The following RBM20 variants were observed in gnomAD, a reference collection of about 807,000 sequenced individuals.
RBM20 encodes RNA binding motif protein 20.
Under a neutral mutation model 110.1 loss-of-function variants are expected in RBM20, and 51 were observed. The ratio of observed to expected loss-of-function variants is 0.46; its 90% CI spans 0.37 to 0.59. The LOEUF is 0.59. Ranked by LOEUF, RBM20 falls within the 20% of genes least tolerant of loss-of-function variation. The pLI is 0.00. For synonymous variants in RBM20, 589 were observed against 618.2 expected (o/e 0.95, Z 0.70); for missense variants, 1,512 against 1,574.9 (o/e 0.96, Z 0.68).
chr10:110,783,474 A>G, intron 3 of RBM20, 47 bp downstream of exon 3: 1 of 1,384,228 alleles, frequency 7.2e-7, no homozygotes, highest in African/African-American at 1.4e-5. Flanking sequence ...CTCAACACAT[A>G]TTCACTGAGC....
At chr10:110,714,417 A>G (rs1359124083) in intron 1 of RBM20, among the ~76,000 whole-genome samples, 1 of 152,210 alleles carries the variant, frequency 6.6e-6, no homozygotes, top group Non-Finnish European at 1.5e-5. Context: ...TTGTAGTCAT[A>G]CTGAGCTGAC....
chr10:110,782,353 C>A (rs1844365302), intron 2 of RBM20, among the ~76,000 whole-genome samples: 1 of 152,144 alleles, frequency 6.6e-6, no homozygotes, highest in Non-Finnish European at 1.5e-5. Flanking sequence ...TTATAGAGAG[C>A]CTCAGCTTCC....
chr10:110,654,848 A>G (rs1408534460), intron 1 of RBM20, among the ~76,000 whole-genome samples: 1 of 152,208 alleles, frequency 6.6e-6, no homozygotes, highest in African/African-American at 2.4e-5. Context: ...AGGAAGCAGT[A>G]ATAATAAAGT....
intron 1 of RBM20, among the ~76,000 whole-genome samples, chr10:110,740,970 C>G (rs1843719063): frequency 6.6e-6 from 1 of 152,158 alleles, no homozygotes; most frequent in Non-Finnish European, 1.5e-5. Context: ...AGAGCCTTCT[C>G]TACCTTACCA....
At chr10:110,726,857 T>C (rs894040414) in intron 1 of RBM20, among the ~76,000 whole-genome samples, 8 of 152,224 alleles carry the variant, frequency 5.3e-5, no homozygotes, top group African/African-American at 1.9e-4. Context: ...TGTTTTGTTT[T>C]ATTTTTGAGA....
At chr10:110,688,686 TAG>T (rs754311805) in intron 1 of RBM20, among the ~76,000 whole-genome samples, 13 of 152,192 alleles carry the variant, frequency 8.5e-5, no homozygotes, top group African/African-American at 1.2e-4. Context: ...ATCAAGCACA[TAG>T]AGTTTCCCTA....
chr10:110,782,107 C>G (rs903089251), intron 2 of RBM20, among the ~76,000 whole-genome samples: 1 of 152,236 alleles, frequency 6.6e-6, no homozygotes, highest in Non-Finnish European at 1.5e-5. Context: ...AATTCTTACA[C>G]ACTTTTTCTA....
At chr10:110,827,169 G>C (rs1050946478) in intron 12 of RBM20, among the ~76,000 whole-genome samples, 3 of 152,016 alleles carry the variant, frequency 2.0e-5, no homozygotes. Context: ...TAGAACTCAG[G>C]ATTTCTCAGC....
rs1843591351 is a variant in RBM20 at position 110,728,863 on chromosome 10, GC to G, written c.192-51937del. On this transcript the variant is annotated intron_variant, in intron 1 of 13. Transcript: ENST00000369519. ...ATCTTTCCACCTCCTCTGCTGACCC[GC>G]TGAGCGATGCTGCTCTGTTTATGCA... Among the ~76,000 whole-genome samples, 6 of 152,028 alleles carry G rather than the reference GC, an allele frequency of 3.9e-5. 1 individual carries two copies. Among genetic ancestry groups the G allele is most frequent in the Admixed American group, 3.3e-4 (5 of 15,264 alleles).
At chr10:110,778,058 G>A (rs1257571452) in intron 1 of RBM20, among the ~76,000 whole-genome samples, 7 of 152,156 alleles carry the variant, frequency 4.6e-5, no homozygotes, top group African/African-American at 1.4e-4. Flanking sequence ...TGCCTACATA[G>A]ACATTGGTCG....
chr10:110,781,546 C>A lies in RBM20; in HGVS notation c.937C>A (p.Gln313Lys), dbSNP rs889348474. 1.3e-6 allele frequency: 2 copies of A among 1,551,580 alleles called. No individual in the cohort carries two copies. The highest frequency in any genetic ancestry group is 2.7e-5 in the African/African-American group (2 of 73,048). Residue 313 changes from glutamine to lysine, a missense_variant, in exon 2 of 14, where the codon CAG becomes AAG. Around this residue, in one of 3 missense-constraint regions of RBM20, gnomAD observed 1,149 missense variants for 1,169.4 expected, o/e 0.98. Transcript: ENST00000369519. ...GLKSEVGPLLQGTNSQWESPH... is the reference protein window; with the variant it reads ...GLKSEVGPLLKGTNSQWESPH... ...GAAAAGTGAGGTCGGGCCACTGCTG[C>A]AGGGCACAAACAGCCAATGGGAGAG...
At chr10:110,798,994 T>C (rs1325757901) in intron 6 of RBM20, among the ~76,000 whole-genome samples, 1 of 152,228 alleles carries the variant, frequency 6.6e-6, no homozygotes, top group Non-Finnish European at 1.5e-5. Context: ...CCCATTTGTC[T>C]GTGTTTTATC....
intron 11 of RBM20, chr10:110,822,615 T>G (rs1844929605): frequency 2.6e-6 from 1 of 380,784 alleles, no homozygotes; most frequent in South Asian, 2.0e-5. Context: ...GAGAGTAGCC[T>G]TTAAGATTCT....
chr10:110,823,695 C>G (rs1844946916), intron 12 of RBM20, 81 bp downstream of exon 12: 1 of 1,452,872 alleles, frequency 6.9e-7, no homozygotes, highest in African/African-American at 1.4e-5. Context: ...CTTGAGAGAG[C>G]TTTTTGGCAT....
chr10:110,797,804 GT>G (rs1251903356), intron 6 of RBM20, among the ~76,000 whole-genome samples, 156 bp downstream of exon 6: 1 of 152,292 alleles, frequency 6.6e-6, no homozygotes, highest in East Asian at 1.9e-4. Flanking sequence ...TGCTGGTGAT[GT>G]TTTTTTGTTT....
intron 1 of RBM20, among the ~76,000 whole-genome samples, chr10:110,662,535 G>A (rs1482474053): frequency 1.3e-5 from 2 of 152,340 alleles, no homozygotes; most frequent in South Asian, 2.1e-4. Context: ...AAGAAAACTT[G>A]TCAGCATGTA....
intron 1 of RBM20, among the ~76,000 whole-genome samples, chr10:110,766,904 G>A (rs1374417176): frequency 1.3e-5 from 2 of 149,076 alleles, no homozygotes; most frequent in East Asian, 2.0e-4. Context: ...AGGGGCGGCC[G>A]GGCAGAGGCG....
intron 1 of RBM20, among the ~76,000 whole-genome samples, chr10:110,721,849 C>T (rs1194259029): frequency 2.6e-5 from 4 of 152,102 alleles, no homozygotes; most frequent in Admixed American, 1.3e-4. Flanking sequence ...ACCTACAGCC[C>T]GGAGCATGTG....
intron 1 of RBM20, among the ~76,000 whole-genome samples, chr10:110,646,338 T>G (rs1471796873): frequency 6.6e-6 from 1 of 152,248 alleles, no homozygotes; most frequent in Non-Finnish European, 1.5e-5. Context: ...TATATTTTAT[T>G]TGCCTCACAT....
Sources: allele counts gnomAD v4.1 joint callset (sites outside exome capture counted in the v4.1 genomes callset), GRCh38; gene constraint gnomAD v4.1.1; regional missense constraint gnomAD v4.1.1; transcripts MANE v1.5; gene names NCBI Gene and HGNC (gene_info 2026-07-23, HGNC 2026-07-21).